The following NBPF3 variants were observed in gnomAD, a reference collection of about 807,000 sequenced individuals.
NBPF3 encodes the protein NBPF family member NBPF3.
A neutral mutation model predicts 78.1 loss-of-function variants in NBPF3; 57 were observed. The observed-to-expected ratio is 0.73, with a 90% confidence interval of 0.59 to 0.91. The LOEUF is 0.91. NBPF3 is among the 40% of genes least tolerant of loss of function. NBPF3 has a pLI of 0.00. For missense variants in NBPF3, 510 were observed against 715.3 expected (o/e 0.71, Z 3.27); for synonymous variants, 182 against 271.7 (o/e 0.67, Z 3.25).
chr1:21,479,818 C>CTG (rs1297036233), intron 10 of NBPF3, among the ~76,000 whole-genome samples: 86 of 43,922 alleles, frequency 2.0e-3, no homozygotes, highest in African/African-American at 3.5e-3. Context: ...CTCTCTCTCT[C>CTG]TCTGTGTGTG....
At chr1:21,468,507 G>A in intron 2 of NBPF3, 181 bp from the exon 3 acceptor site, 1 of 1,468,328 alleles carries the variant, frequency 6.8e-7, no homozygotes, top group African/African-American at 1.4e-5. Flanking sequence ...CTTCAGCTCT[G>A]AGCTCAGGCA....
rs1350661340 is a variant in NBPF3, at chr1:21,446,207, T to C, written c.133+988T>C. 2.0e-5 allele frequency: 3 copies of C among 152,198 alleles called. No homozygotes were observed. In the East Asian group the frequency reaches 5.8e-4, roughly 29 times the overall value. The allele number at this position is 152,198 out of a possible 1,614,324, so 9.4% of individuals were successfully genotyped here. Reference sequence around the variant, plus strand: ...GTGTTCTGGGATGCATTGTCTCATCTCGTTCTTGTGAGCACCAGAACTTAT... The same window carrying C: ...GTGTTCTGGGATGCATTGTCTCATCCCGTTCTTGTGAGCACCAGAACTTAT... On this transcript the variant is annotated intron_variant, in intron 2 of 14. Transcript: ENST00000318249.
In NBPF3 at chr1:21,468,888, AATAATTACGGT is replaced by A; in HGVS notation, c.336_343+3del. 6.2e-7 allele frequency: 1 copy of A among 1,613,488 alleles called. No homozygotes were observed. On this transcript the variant is annotated splice_donor_variant and coding_sequence_variant, in exon 3 of 15. Transcript: ENST00000318249. LOFTEE classifies it high-confidence loss of function. ...GGCCTACTTCCTGGCCAACCGGCAA[AATAATTACGGT>A]AAGTTCTATAGGCTCACCATCACAA...
In NBPF3 at chr1:21,471,709, AG is replaced by A; in HGVS notation, c.590del (p.Gly197AspfsTer177). The part of the protein sequence containing the change: ...LLTPDEPDNS[Q>X]GRDLREQLAE... ...ACTCCGGATGAGCCGGACAACTCCCAGGGACGGGACCTCCGAGAACAGCTGG... is the reference window on the plus strand; with the variant it reads ...ACTCCGGATGAGCCGGACAACTCCCAGGACGGGACCTCCGAGAACAGCTGG... On this transcript the variant is annotated frameshift_variant, in exon 5 of 15. Coordinates refer to ENST00000318249, the MANE Select transcript of NBPF3 (RefSeq NM_032264.6). LOFTEE classifies it high-confidence loss of function. The A allele has an allele frequency of 6.2e-7, 1 of 1,612,532 alleles. No homozygotes were observed. The highest frequency in any genetic ancestry group is 8.5e-7 in the Non-Finnish European group (1 of 1,179,572).
chr1:21,473,483 T>C lies in NBPF3; in HGVS notation c.838T>C (p.Tyr280His). 6.2e-7 allele frequency: 1 copy of C among 1,614,222 alleles called. No homozygotes were observed. The highest frequency in any genetic ancestry group is 8.5e-7 in the Non-Finnish European group (1 of 1,180,046). The change falls in exon 7 of 15, where the codon TAC (tyrosine) becomes CAC (histidine). Residue 280 changes from tyrosine (Y) to histidine (H), a missense_variant. Coordinates refer to ENST00000318249, the MANE Select transcript of NBPF3 (RefSeq NM_032264.6). ...CCACCCTTGTGAGTCCAACCAGCCT[T>C]ACGGGAACACCAGAATCACATTTGA... ...SHHPCESNQP[Y>H]GNTRITFEED...
intron 2 of NBPF3, among the ~76,000 whole-genome samples, chr1:21,465,418 C>T (rs1371931913): frequency 1.3e-5 from 2 of 152,278 alleles, no homozygotes; most frequent in Non-Finnish European, 2.9e-5. Context: ...CTGACTTTCC[C>T]AGCTGTTTCT....
intron 9 of NBPF3, among the ~76,000 whole-genome samples, chr1:21,478,732 C>T (rs1643017346): frequency 6.6e-6 from 1 of 152,224 alleles, no homozygotes; most frequent in South Asian, 2.1e-4. Context: ...CAGTGTCACC[C>T]TTGTCTACCT....
upstream of NBPF3, chr1:21,437,589 A>AGGCTCGACTGGTGTTATGCC: frequency 1.4e-6 from 1 of 719,656 alleles, no homozygotes; most frequent in Non-Finnish European, 2.1e-6. Context: ...TTTGGGCATA[A>AGGCTCGACTGGTGTTATGCC]CACCAGTCGA....
At chr1:21,445,336 T>C in intron 2 of NBPF3, 117 bp downstream of exon 2, 1 of 1,154,236 alleles carries the variant, frequency 8.7e-7, no homozygotes, top group Non-Finnish European at 1.2e-6. Context: ...TTGCCTGGCA[T>C]GAAACAGATA....
intron 2 of NBPF3, 121 bp from the exon 3 acceptor site, chr1:21,468,567 G>A: frequency 2.5e-6 from 4 of 1,579,340 alleles, no homozygotes; most frequent in Non-Finnish European, 3.4e-6. Flanking sequence ...TGCGGGGACT[G>A]ATCACATTTT....
At chr1:21,467,870 G>A (rs1642365210) in intron 2 of NBPF3, among the ~76,000 whole-genome samples, 1 of 152,162 alleles carries the variant, frequency 6.6e-6, no homozygotes, top group Admixed American at 6.5e-5. Context: ...TGGACATAGG[G>A]ATGTCAAACT....
At chr1:21,471,511 T>A (rs1482590934) in intron 4 of NBPF3, 58 bp from the exon 5 acceptor site, 1 of 1,610,602 alleles carries the variant, frequency 6.2e-7, no homozygotes, top group African/African-American at 1.3e-5. Flanking sequence ...TTGCAAAATA[T>A]TAGAACTGAT....
At chr1:21,437,216 G>A (rs1640442526), upstream of NBPF3, among the ~76,000 whole-genome samples, 1 of 151,836 alleles carries the variant, frequency 6.6e-6, no homozygotes, top group South Asian at 2.1e-4. Flanking sequence ...GAGTCTGAGA[G>A]TGGAACCAGG....
intron 2 of NBPF3, among the ~76,000 whole-genome samples, chr1:21,463,343 A>G (rs2147958508): frequency 1.3e-5 from 2 of 152,298 alleles, no homozygotes; most frequent in African/African-American, 4.8e-5. Context: ...CACCAGCGCC[A>G]AAGTCAGTGG....
chr1:21,469,622 G>A (rs1270378727), intron 3 of NBPF3, among the ~76,000 whole-genome samples: 2 of 152,184 alleles, frequency 1.3e-5, no homozygotes, highest in Non-Finnish European at 2.9e-5. Context: ...CTACTCAGGA[G>A]GCTGAGGCAG....
chr1:21,445,528 C>T (rs1230478563), intron 2 of NBPF3, among the ~76,000 whole-genome samples: 4 of 142,504 alleles, frequency 2.8e-5, no homozygotes, highest in Admixed American at 2.1e-4. Context: ...ACCCCCCATT[C>T]TCTGCCCCCA....
At chr1:21,442,745 C>G (rs974363906) in intron 1 of NBPF3, among the ~76,000 whole-genome samples, 1 of 152,016 alleles carries the variant, frequency 6.6e-6, no homozygotes, top group African/African-American at 2.4e-5. Flanking sequence ...CTCACTCAAC[C>G]TCCATCTCCT....
chr1:21,471,852 T>C, intron 5 of NBPF3, 69 bp downstream of exon 5: 1 of 1,574,554 alleles, frequency 6.4e-7, no homozygotes, highest in South Asian at 1.1e-5. Context: ...CTCCATACTT[T>C]CACAATGACA....
Position 21,470,694 on chromosome 1 carries a change from G to A in NBPF3, c.406G>A (p.Glu136Lys), listed in dbSNP as rs762944129. ...GAGGGATGAGCGGCTGCTCACAGAA[G>A]AGAAGCTTGCAGAGGAGCTCGGGCA... ...MLRDERLLTE[E>K]KLAEELGQAE... Residue 136 changes from glutamate (E) to lysine (K), a missense_variant, in exon 4 of 15, where the codon GAG (glutamate) becomes AAG (lysine). Glu to Lys is a moderately conservative substitution (Grantham distance 56, BLOSUM62 1). This residue lies in a region of NBPF3 where 440 missense variants were observed against 478.2 expected (regional missense o/e 0.92). Transcript: ENST00000318249. The A allele has an allele frequency of 4.4e-6, 7 of 1,601,464 alleles. No homozygotes were observed. Among genetic ancestry groups the A allele is most frequent in the Non-Finnish European group, 6.0e-6 (7 of 1,171,790 alleles).
Sources: allele counts gnomAD v4.1 joint callset (sites outside exome capture counted in the v4.1 genomes callset), GRCh38; gene constraint gnomAD v4.1.1; regional missense constraint gnomAD v4.1.1; transcripts MANE v1.5; gene names NCBI Gene and HGNC (gene_info 2026-07-23, HGNC 2026-07-21).